The following PCDHGA11 variants were observed in gnomAD, a reference collection of about 807,000 sequenced individuals.
The protein encoded by PCDHGA11 is protocadherin gamma subfamily A, 11.
In PCDHGA11, 39 loss-of-function variants were observed where a neutral mutation model predicts 60.4. The observed-to-expected ratio is 0.65, with a 90% CI of 0.50 to 0.84. The LOEUF is 0.84. Among genes scored for constraint, PCDHGA11 ranks in the 40% least tolerant of loss-of-function variants. The probability of loss-of-function intolerance (pLI) is 0.00; values close to 1 mark genes in which losing one functional copy is unlikely to be tolerated. For missense variants in PCDHGA11, 1,165 were observed against 1,197.7 expected (o/e 0.97, Z 0.40); for synonymous variants, 533 against 510.3 (o/e 1.04, Z -0.60).
At position 141,487,010 on chromosome 5, in the gene PCDHGA11, GC is replaced by G. The variant is rs2099638172; in HGVS notation, c.2434-7793del. ...TTGGGTTTCCTATCAGCTCCTGGAG[GC>G]CCCAGATCCCAGCCTGTTTGCAGTC... is the stretch of plus-strand genomic sequence containing the variant. On this transcript the variant is annotated intron_variant, in intron 1 of 3. Coordinates refer to ENST00000398587, the MANE Select transcript of PCDHGA11 (RefSeq NM_018914.3). This position sits in a 1 kb window ranked among gnomAD's most constrained non-coding sequence, Gnocchi z 5.0. 6.2e-7 allele frequency: 1 copy of G among 1,614,096 alleles called. No individual in the cohort carries two copies. Among genetic ancestry groups the G allele is most frequent in the Non-Finnish European group, 8.5e-7 (1 of 1,180,056 alleles).
intron 2 of PCDHGA11, among the ~76,000 whole-genome samples, chr5:141,498,397 G>A (rs1019408022): frequency 1.3e-5 from 2 of 152,136 alleles, no homozygotes; most frequent in African/African-American, 4.8e-5. Flanking sequence ...GAATGGCAGG[G>A]AGTTTTCTCT....
intron 1 of PCDHGA11, chr5:141,475,885 A>G (rs1593590954): frequency 1.8e-6 from 1 of 556,524 alleles, no homozygotes. Flanking sequence ...ATTGGCTGGG[A>G]CTCTGTGTGC....
intron 1 of PCDHGA11, among the ~76,000 whole-genome samples, chr5:141,468,088 G>T (rs186503104): frequency 6.6e-6 from 1 of 152,186 alleles, no homozygotes; most frequent in East Asian, 1.9e-4. Context: ...ACTTTGGGAG[G>T]TTGAGGCAGG....
At chr5:141,482,801 G>C (rs1230060558) in intron 1 of PCDHGA11, among the ~76,000 whole-genome samples, 1 of 152,176 alleles carries the variant, frequency 6.6e-6, no homozygotes, top group African/African-American at 2.4e-5. Flanking sequence ...GCCGGGTACG[G>C]TGGCTCATGC....
chr5:141,494,894 C>A, intron 2 of PCDHGA11, 29 bp downstream of exon 2: 1 of 1,614,116 alleles, frequency 6.2e-7, no homozygotes, highest in South Asian at 1.1e-5. Flanking sequence ...AGCCCACCCT[C>A]TTCTCTGCGG....
At chr5:141,496,698 C>T (rs2099770595) in intron 2 of PCDHGA11, among the ~76,000 whole-genome samples, 1 of 152,196 alleles carries the variant, frequency 6.6e-6, no homozygotes, top group Non-Finnish European at 1.5e-5. Context: ...CCAACCTTCT[C>T]ATAAGTTATC....
Position 141,487,413 on chromosome 5 carries a change from A to G in PCDHGA11, c.2434-7394A>G, listed in dbSNP as rs1562119204. The G allele has an allele frequency of 1.2e-6, 2 of 1,614,172 alleles. No homozygotes were observed. The highest frequency in any genetic ancestry group is 2.2e-5 in the East Asian group (1 of 44,862). ...AGGAGGGAGGGGCTTCCCCCTTCCA[A>G]TGGGATCCTCCGAATCCAGCTAGGG... On this transcript the variant is annotated intron_variant, in intron 1 of 3. Coordinates refer to ENST00000398587, the MANE Select transcript of PCDHGA11 (RefSeq NM_018914.3). This position sits in a 1 kb window ranked among gnomAD's most constrained non-coding sequence, Gnocchi z 5.0.
intron 1 of PCDHGA11, among the ~76,000 whole-genome samples, chr5:141,472,001 G>A (rs992798148): frequency 1.1e-4 from 17 of 152,022 alleles, no homozygotes; most frequent in East Asian, 3.9e-4. Context: ...TCCCTGCATC[G>A]TATAGGGGCA....
Position 141,485,096 on chromosome 5 carries a change from CCAG to C in PCDHGA11, c.2434-9709_2434-9707del. The C allele has an allele frequency of 8.9e-7, 1 of 1,125,684 alleles. No homozygotes were observed. The highest frequency in any genetic ancestry group is 1.3e-6 in the Non-Finnish European group (1 of 759,466). 69.7% of individuals were successfully genotyped at this position (1,125,684 alleles called of 1,614,324 possible). A position where few individuals can be genotyped will look rare whatever the true frequency, so the allele number is the denominator to read the frequency against. ...CGCGGGGAAAGGGAGATAGGTGTCTCCAGCTGCTGTGGCTGTTTGGGGCGGGTC... is the reference window on the plus strand; with the variant it reads ...CGCGGGGAAAGGGAGATAGGTGTCTCCTGCTGTGGCTGTTTGGGGCGGGTC... On this transcript the variant is annotated intron_variant, in intron 1 of 3. Transcript: ENST00000398587. The surrounding 1 kb of genome is among the most constrained non-coding windows in gnomAD (Gnocchi z 5.7).
chr5:141,422,239 G>C lies in PCDHGA11; in HGVS notation c.1012G>C (p.Val338Leu), dbSNP rs2096636040. 3 of 1,566,586 alleles carry C rather than the reference G, an allele frequency of 1.9e-6. No individual in the cohort carries two copies. Among genetic ancestry groups the C allele is most frequent in the East Asian group, 4.5e-5 (2 of 44,684 alleles). Residue 338 changes from valine to leucine, a missense_variant, in exon 1 of 4, where the codon GTT becomes CTT. Val to Leu is a conservative substitution (Grantham distance 32, BLOSUM62 1). Transcript: ENST00000398587. Reference protein sequence around the residue: ...LFTTTTMLITVVDVNDNAPEI... With the variant: ...LFTTTTMLITLVDVNDNAPEI... ...TACCACCACGACGATGTTGATCACT[G>C]TTGTGGATGTGAATGATAACGCTCC... is the stretch of plus-strand genomic sequence containing the variant.
intron 1 of PCDHGA11, among the ~76,000 whole-genome samples, chr5:141,462,990 A>T (rs181384059): frequency 1.8e-3 from 278 of 152,244 alleles, no homozygotes; most frequent in Non-Finnish European, 3.4e-3. Context: ...GCCTTGGGCT[A>T]ATTTAGACCT....
intron 1 of PCDHGA11, among the ~76,000 whole-genome samples, chr5:141,474,096 CAACAAA>C (rs1262341033): frequency 1.3e-5 from 2 of 152,078 alleles, no homozygotes; most frequent in African/African-American, 4.8e-5. Context: ...AAACAAACAA[CAACAAA>C]AACAACAACA....
At position 141,421,262 on chromosome 5, in the gene PCDHGA11, G is replaced by GGCT. The variant is rs748368476; in HGVS notation, c.49_51dup (p.Leu17dup). 2.6e-5 allele frequency: 42 copies of GGCT among 1,609,594 alleles called. No homozygotes were observed. The Admixed American group carries it at 3.2e-4, about 12-fold the overall frequency. On this transcript the variant is annotated inframe_insertion, in exon 1 of 4. Coordinates refer to ENST00000398587, the MANE Select transcript of PCDHGA11 (RefSeq NM_018914.3). ...CGGCTACAGCGCGGGGACCGCAGTC[G>GGCT]GCTGCTGCTGCTGCTGTGCATTTTC...
rs773471969 is a variant in PCDHGA11, at chr5:141,422,101, A to G, written c.874A>G (p.Ile292Val). 11 of 1,610,046 alleles carry G rather than the reference A, an allele frequency of 6.8e-6. No individual in the cohort carries two copies. The highest frequency in any genetic ancestry group is 4.5e-5 in the East Asian group (2 of 44,870). ...GAACATGGAAAGCAAGGCTTCTGAA[A>G]TATTCCAATTGGATTCACAAACTGG... Reference protein sequence around the residue: ...FRNMESKASEIFQLDSQTGEV... With the variant: ...FRNMESKASEVFQLDSQTGEV... Residue 292 changes from isoleucine to valine, a missense_variant, in exon 1 of 4, where the codon ATA (isoleucine) becomes GTA (valine). Coordinates refer to ENST00000398587, the MANE Select transcript of PCDHGA11 (RefSeq NM_018914.3).
intron 1 of PCDHGA11, among the ~76,000 whole-genome samples, chr5:141,453,101 T>TTTTTG (rs879618609): frequency 3.2e-4 from 49 of 152,130 alleles, no homozygotes; most frequent in Middle Eastern, 6.8e-3. Flanking sequence ...TTCTGTTGCT[T>TTTTTG]TTTTGTTTTG....
intron 2 of PCDHGA11, among the ~76,000 whole-genome samples, chr5:141,501,942 C>T (rs1012840550): frequency 2.6e-5 from 4 of 152,136 alleles, no homozygotes; most frequent in Non-Finnish European, 4.4e-5. Context: ...CACCACTGCT[C>T]CCTGTGACAG....
At position 141,423,415 on chromosome 5, in the gene PCDHGA11, G is replaced by GA. The variant is rs750028507; in HGVS notation, c.2190dup (p.Gly731ArgfsTer57). 3 of 1,614,134 alleles carry GA rather than the reference G, an allele frequency of 1.9e-6. No individual in the cohort carries two copies. Among genetic ancestry groups the GA allele is most frequent in the Non-Finnish European group, 2.5e-6 (3 of 1,179,974 alleles). ...TAAGTCACGCCTGCTGCAGGCTTCT[G>GA]AAGGCGGGTTGGCAGGTATGCCCAC... On this transcript the variant is annotated frameshift_variant, in exon 1 of 4. Transcript: ENST00000398587. LOFTEE classifies it high-confidence loss of function.
intron 2 of PCDHGA11, among the ~76,000 whole-genome samples, chr5:141,497,552 T>C (rs2099777669): frequency 6.6e-6 from 1 of 151,386 alleles, no homozygotes; most frequent in Non-Finnish European, 1.5e-5. Context: ...TTTTTTTTTT[T>C]TTTTTTAGAC....
chr5:141,487,392 G>A lies in PCDHGA11; in HGVS notation c.2434-7415G>A, dbSNP rs773126086. 2 of 1,614,176 alleles carry A rather than the reference G, an allele frequency of 1.2e-6. No individual in the cohort carries two copies. Among genetic ancestry groups the A allele is most frequent in the Non-Finnish European group, 1.7e-6 (2 of 1,180,024 alleles). On this transcript the variant is annotated intron_variant, in intron 1 of 3. Transcript: ENST00000398587. This position sits in a 1 kb window ranked among gnomAD's most constrained non-coding sequence, Gnocchi z 5.0. ...GCCTGTCTCACCAGATCTCGAAGGA[G>A]GGAGGGGCTTCCCCCTTCCAATGGG...
Sources: gnomAD v4.1 joint callset for allele counts (sites outside exome capture counted in the v4.1 genomes callset) on GRCh38, gnomAD v4.1.1 for gene constraint, Gnocchi (gnomAD v3.1) non-coding constraint, MANE v1.5 for transcripts, NCBI Gene and HGNC (gene_info 2026-07-23, HGNC 2026-07-21) for gene names.